The following LRRC69 variants were observed in gnomAD, a reference collection of about 807,000 sequenced individuals.
The protein encoded by LRRC69 is leucine rich repeat containing 69.
In LRRC69, 42 loss-of-function variants were observed where a neutral mutation model predicts 37.8. That is an observed-to-expected ratio of 1.11 (90% CI 0.87 to 1.44). LRRC69 has a LOEUF of 1.44. Among genes scored for constraint, LRRC69 ranks in the 40% most tolerant of loss-of-function variants. The pLI is 0.00. For synonymous variants in LRRC69, 141 were observed against 143.1 expected, an observed-to-expected ratio of 0.99 and a Z score of 0.11; for missense variants, 357 against 401.9, an observed-to-expected ratio of 0.89 and a Z score of 0.96.
chr8:91,177,299 T>A (rs1297883913), intron 5 of LRRC69, among the ~76,000 whole-genome samples: 2 of 152,206 alleles, frequency 1.3e-5, no homozygotes, highest in African/African-American at 4.8e-5. Context: ...TTTGGTATTC[T>A]CTATTAATTT....
chr8:91,162,797 C>T (rs947347583), intron 5 of LRRC69, among the ~76,000 whole-genome samples: 1 of 151,136 alleles, frequency 6.6e-6, no homozygotes, highest in Non-Finnish European at 1.5e-5. Flanking sequence ...TTTTGCCTCC[C>T]TCCACCTCTG....
intron 5 of LRRC69, among the ~76,000 whole-genome samples, chr8:91,137,913 A>G (rs1262257351): frequency 6.6e-6 from 1 of 152,086 alleles, no homozygotes; most frequent in Non-Finnish European, 1.5e-5. Flanking sequence ...AAAACAAGCC[A>G]TGCTTTTTGT....
chr8:91,127,284 C>G, intron 3 of LRRC69, 124 bp downstream of exon 3: 1 of 656,576 alleles, frequency 1.5e-6, no homozygotes, highest in Middle Eastern at 2.5e-4. Flanking sequence ...AAAGAGGGAT[C>G]TGAAGGACTG....
chr8:91,107,727 T>C (rs943953274), intron 1 of LRRC69, among the ~76,000 whole-genome samples: 1 of 152,050 alleles, frequency 6.6e-6, no homozygotes, highest in Non-Finnish European at 1.5e-5. Context: ...TTTGCTAATT[T>C]AACTAGTGAA....
intron 7 of LRRC69, among the ~76,000 whole-genome samples, chr8:91,201,185 T>C (rs1029719123): frequency 2.0e-5 from 3 of 152,236 alleles, no homozygotes; most frequent in Admixed American, 6.5e-5. Context: ...TATATCATGA[T>C]GGTGTTCTAG....
chr8:91,194,290 A>T (rs1809554624), intron 6 of LRRC69, among the ~76,000 whole-genome samples: 1 of 148,922 alleles, frequency 6.7e-6, no homozygotes, highest in Non-Finnish European at 1.5e-5. Context: ...TTCATCAAGG[A>T]TATTGGTCTA....
At chr8:91,218,857 G>A in intron 7 of LRRC69, 33 bp from the exon 8 acceptor site, 1 of 1,348,496 alleles carries the variant, frequency 7.4e-7, no homozygotes, top group South Asian at 1.3e-5. Flanking sequence ...ATTGAACACT[G>A]CCTAAATTTT....
intron 7 of LRRC69, among the ~76,000 whole-genome samples, chr8:91,207,996 C>G (rs1376791238): frequency 6.6e-6 from 1 of 152,204 alleles, no homozygotes; most frequent in Non-Finnish European, 1.5e-5. Context: ...ATGGCTGGCT[C>G]TTTCCTGTGT....
At chr8:91,104,754 C>G (rs1813279083) in intron 1 of LRRC69, among the ~76,000 whole-genome samples, 2 of 151,972 alleles carry the variant, frequency 1.3e-5, no homozygotes, top group Admixed American at 1.3e-4. Flanking sequence ...GGCTTGCTCT[C>G]TTAGTTTTTC....
chr8:91,143,749 C>T (rs763933833), intron 5 of LRRC69, among the ~76,000 whole-genome samples: 7 of 151,722 alleles, frequency 4.6e-5, no homozygotes, highest in Non-Finnish European at 1.0e-4. Context: ...TTTGAGAATA[C>T]TGAAAGCAGT....
intron 5 of LRRC69, chr8:91,157,139 C>T (rs1808849582): frequency 1.5e-6 from 1 of 672,238 alleles, no homozygotes; most frequent in Non-Finnish European, 2.6e-6. Context: ...ATTGCTTTCT[C>T]TGTTTCTGTG....
intron 1 of LRRC69, among the ~76,000 whole-genome samples, chr8:91,109,113 G>T (rs1354118603): frequency 6.6e-6 from 1 of 151,836 alleles, no homozygotes; most frequent in Admixed American, 6.6e-5. Flanking sequence ...ATCCTGTTTT[G>T]TTGTGTCCTG....
chr8:91,152,089 C>T (rs1035696334), intron 5 of LRRC69, among the ~76,000 whole-genome samples: 7 of 151,540 alleles, frequency 4.6e-5, no homozygotes, highest in African/African-American at 1.5e-4. Flanking sequence ...CTGTAGGTTG[C>T]CTGTTCGCTC....
At chr8:91,159,889 G>GCC (rs1271743592) in intron 5 of LRRC69, among the ~76,000 whole-genome samples, 29 of 151,118 alleles carry the variant, frequency 1.9e-4, no homozygotes, top group African/African-American at 7.0e-4. Flanking sequence ...TTCTTGGGAT[G>GCC]AAAATGATTG....
chr8:91,158,612 C>T (rs1808881919), intron 5 of LRRC69: 3 of 1,419,450 alleles, frequency 2.1e-6, no homozygotes, highest in Non-Finnish European at 3.0e-6. Flanking sequence ...TTGACATTTT[C>T]CCTGGAACAT....
chr8:91,113,990 AAAAAG>A, intron 1 of LRRC69, among the ~76,000 whole-genome samples: 1 of 150,692 alleles, frequency 6.6e-6, no homozygotes, highest in Non-Finnish European at 1.5e-5. Context: ...AAAAAAAAAA[AAAAAG>A]GTAAAGGACC....
At chr8:91,171,192 C>A (rs1307255081) in intron 5 of LRRC69, among the ~76,000 whole-genome samples, 1 of 151,964 alleles carries the variant, frequency 6.6e-6, no homozygotes, top group African/African-American at 2.4e-5. Context: ...AAGGCTGAAT[C>A]GTGTTTCTCA....
intron 5 of LRRC69, among the ~76,000 whole-genome samples, chr8:91,186,388 G>T (rs989273039): frequency 1.3e-5 from 2 of 152,126 alleles, no homozygotes; most frequent in East Asian, 3.9e-4. Context: ...AGCTTAGAGG[G>T]GTGACATTTT....
chr8:91,128,237 C>T (rs1169475051), intron 3 of LRRC69, among the ~76,000 whole-genome samples: 1 of 151,972 alleles, frequency 6.6e-6, no homozygotes, highest in Non-Finnish European at 1.5e-5. Context: ...TGAACTGCTG[C>T]CTTCTCATCT....
Sources: gnomAD v4.1 joint callset for allele counts (sites outside exome capture counted in the v4.1 genomes callset) on GRCh38, gnomAD v4.1.1 for gene constraint, MANE v1.5 for transcripts, NCBI Gene and HGNC (gene_info 2026-07-23, HGNC 2026-07-21) for gene names.